CAMKK2: variants seen among roughly 807,000 people sequenced by gnomAD.
CAMKK2 encodes calcium/calmodulin-dependent protein kinase kinase 2.
CAMKK2 carries 30 observed loss-of-function variants against 67.2 expected under a neutral mutation model. The ratio of observed to expected loss-of-function variants is 0.45; its 90% CI spans 0.33 to 0.61. The LOEUF (loss-of-function observed/expected upper bound fraction) is 0.61. CAMKK2 is among the 20% of genes least tolerant of loss of function. CAMKK2 has a pLI of 0.02. For synonymous variants in CAMKK2, 322 were observed against 326.2 expected (o/e 0.99, Z 0.14); for missense variants, 643 against 802.0 (o/e 0.80, Z 2.39).
At chr12:121,251,590 G>A (rs1404951443) in intron 11 of CAMKK2, among the ~76,000 whole-genome samples, 4 of 152,102 alleles carry the variant, frequency 2.6e-5, no homozygotes, top group Non-Finnish European at 2.9e-5. Context: ...CACTCTGGGA[G>A]GCCCAGGCTG....
chr12:121,262,277 C>T (rs920143819), intron 6 of CAMKK2, among the ~76,000 whole-genome samples: 5 of 152,116 alleles, frequency 3.3e-5, no homozygotes, highest in Non-Finnish European at 5.9e-5. Flanking sequence ...CTTTGGGAGG[C>T]CAAGGCGGCT....
intron 4 of CAMKK2, among the ~76,000 whole-genome samples, chr12:121,269,257 C>T (rs1011373633): frequency 1.3e-5 from 2 of 152,166 alleles, no homozygotes; most frequent in Non-Finnish European, 2.9e-5. Flanking sequence ...GCCTTGTTCT[C>T]AATACTATGG....
chr12:121,276,196 G>C (rs1264490802), intron 1 of CAMKK2, among the ~76,000 whole-genome samples: 1 of 149,620 alleles, frequency 6.7e-6, no homozygotes, highest in African/African-American at 2.5e-5. Flanking sequence ...CGGACACAGT[G>C]GTTCATACCT....
At chr12:121,278,629 A>G (rs1343507882) in intron 1 of CAMKK2, among the ~76,000 whole-genome samples, 1 of 152,142 alleles carries the variant, frequency 6.6e-6, no homozygotes, top group Non-Finnish European at 1.5e-5. Context: ...CCGCTTTTGC[A>G]TCTTCCTCAT....
At chr12:121,260,984 C>T (rs1388381264) in intron 6 of CAMKK2, among the ~76,000 whole-genome samples, 3 of 151,672 alleles carry the variant, frequency 2.0e-5, no homozygotes, top group African/African-American at 7.3e-5. Flanking sequence ...CAACCCAGCT[C>T]CTAGGAGACA....
At chr12:121,287,856 C>T (rs900310995) in intron 1 of CAMKK2, among the ~76,000 whole-genome samples, 2 of 152,136 alleles carry the variant, frequency 1.3e-5, no homozygotes, top group African/African-American at 4.8e-5. Flanking sequence ...CCTGTGGTCC[C>T]AGCTCCGTCA....
At chr12:121,288,482 C>T (rs976101647) in intron 1 of CAMKK2, among the ~76,000 whole-genome samples, 5 of 152,266 alleles carry the variant, frequency 3.3e-5, no homozygotes, top group Middle Eastern at 3.4e-3. Context: ...CAGGATGAAC[C>T]GAATAAAATA....
rs199903556 is a variant in CAMKK2, at chr12:121,240,590, G to A, written c.*109C>T. The A allele has an allele frequency of 3.3e-5, 50 of 1,531,606 alleles. No homozygotes were observed. Among genetic ancestry groups the A allele is most frequent in the Non-Finnish European group, 4.1e-5 (47 of 1,145,704 alleles). The allele number at this position is 1,531,606 out of a possible 1,614,324, so 94.9% of individuals were successfully genotyped here. On this transcript the variant is annotated 3_prime_UTR_variant, in exon 17 of 17. Transcript: ENST00000404169. This position sits in a 1 kb window ranked among gnomAD's most constrained non-coding sequence, Gnocchi z 4.4. ...ACAAATAACCAGAGATGACGATCGA[G>A]GCTCTACACACGTGCTGGGTTTCCG... is the stretch of plus-strand genomic sequence containing the variant.
intron 11 of CAMKK2, among the ~76,000 whole-genome samples, chr12:121,251,298 T>C (rs7975295): frequency 0.19 from 29,491 of 151,984 alleles, 3,335 homozygotes; most frequent in African/African-American, 0.29. Flanking sequence ...AGGAAAAGGT[T>C]AATATAGTAG....
intron 15 of CAMKK2, 69 bp from the exon 16 acceptor site, chr12:121,244,684 C>T (rs1368353733): frequency 3.0e-6 from 4 of 1,315,930 alleles, no homozygotes; most frequent in Non-Finnish European, 2.1e-6. Flanking sequence ...ATGCCCGTTC[C>T]CCCACCCTGA....
chr12:121,268,099 T>TATATATATATATATATATATATAC lies in CAMKK2; in HGVS notation c.625+538_625+539insGTATATATATATATATATATATAT, dbSNP rs755449965. On this transcript the variant is annotated intron_variant, in intron 5 of 16. Coordinates refer to ENST00000404169, the MANE Select transcript of CAMKK2 (RefSeq NM_001270485.2). Reference sequence around the variant, plus strand: ...CATTGGATGCATATATATATATATATACTCTATTCATATTACTTTTAATGG... The same window carrying TATATATATATATATATATATATAC: ...CATTGGATGCATATATATATATATATATATATATATATATATATATATACACTCTATTCATATTACTTTTAATGG... 1.7e-4 allele frequency among the ~76,000 whole-genome samples: 25 copies of TATATATATATATATATATATATAC among 143,514 alleles called. 1 individual carries two copies. The highest frequency in any genetic ancestry group is 1.6e-3 in the South Asian group (7 of 4,488). The allele number at this position is 143,514 out of a possible 152,430, so 94.2% of individuals were successfully genotyped here.
intron 1 of CAMKK2, among the ~76,000 whole-genome samples, chr12:121,281,227 A>T (rs911713670): frequency 5.9e-5 from 9 of 152,280 alleles, no homozygotes; most frequent in Non-Finnish European, 1.3e-4. Context: ...CAGGAAACAC[A>T]TTCTCATTTC....
At chr12:121,263,211 G>C (rs1893831510) in intron 6 of CAMKK2, among the ~76,000 whole-genome samples, 1 of 152,068 alleles carries the variant, frequency 6.6e-6, no homozygotes, top group Non-Finnish European at 1.5e-5. Context: ...CTAGAGCAGG[G>C]GCTGGCAAAC....
intron 2 of CAMKK2, 50 bp downstream of exon 2, chr12:121,274,006 G>T: frequency 7.5e-7 from 1 of 1,337,186 alleles, no homozygotes; most frequent in Non-Finnish European, 1.0e-6. Flanking sequence ...CTGGGGGCAG[G>T]GAAGGGCACC....
At chr12:121,282,373 C>T (rs962622355) in intron 1 of CAMKK2, among the ~76,000 whole-genome samples, 5 of 152,076 alleles carry the variant, frequency 3.3e-5, no homozygotes, top group African/African-American at 1.2e-4. Flanking sequence ...TGAACTGTGT[C>T]CCCCAAAAAT....
chr12:121,257,818 C>G (rs966012116), intron 7 of CAMKK2, among the ~76,000 whole-genome samples: 3 of 152,096 alleles, frequency 2.0e-5, no homozygotes, highest in Non-Finnish European at 4.4e-5. Flanking sequence ...CCTTTCCTGC[C>G]TTGGTTATTT....
At chr12:121,290,745 C>T (rs1899831347) in intron 1 of CAMKK2, among the ~76,000 whole-genome samples, 1 of 152,302 alleles carries the variant, frequency 6.6e-6, no homozygotes, top group South Asian at 2.1e-4. Context: ...AAAACCAAGA[C>T]TGTCCCTGAA....
rs1254610845 is a variant in CAMKK2, at chr12:121,286,606, C to T, written c.-60+10032G>A. The stretch of plus-strand genomic sequence containing the variant: ...TCACCCAGGCTGGAGTACAGTGGCA[C>T]AATCTTGGCTCACTGCAGCCTTGAT... On this transcript the variant is annotated intron_variant, in intron 1 of 16. Coordinates refer to ENST00000404169, the MANE Select transcript of CAMKK2 (RefSeq NM_001270485.2). Among the ~76,000 whole-genome samples, 3 of 152,132 alleles carry T rather than the reference C, an allele frequency of 2.0e-5. No individual in the cohort carries two copies. In the South Asian group the frequency reaches 6.2e-4, roughly 31 times the overall value.
At chr12:121,281,426 G>A (rs567117231) in intron 1 of CAMKK2, among the ~76,000 whole-genome samples, 6 of 152,308 alleles carry the variant, frequency 3.9e-5, no homozygotes, top group African/African-American at 1.4e-4. Flanking sequence ...GTCCTGCCCG[G>A]GACATCAATG....
Sources: gnomAD v4.1 joint callset for allele counts (sites outside exome capture counted in the v4.1 genomes callset) on GRCh38, gnomAD v4.1.1 for gene constraint, Gnocchi (gnomAD v3.1) non-coding constraint, MANE v1.5 for transcripts, NCBI Gene and HGNC (gene_info 2026-07-23, HGNC 2026-07-21) for gene names.